Variants in FAT2 observed in about 807,000 individuals in gnomAD.
FAT2 encodes the protein FAT atypical cadherin 2.
Under a neutral mutation model 295.3 loss-of-function variants are expected in FAT2, and 150 were observed. The ratio of observed to expected loss-of-function variants is 0.51; its 90% CI spans 0.44 to 0.58. The LOEUF is 0.58. Among genes scored for constraint, FAT2 ranks in the 20% least tolerant of loss-of-function variants. FAT2 has a pLI of 0.00. For missense variants in FAT2, 4,868 were observed against 5,442.7 expected (o/e 0.89, Z 3.32); for synonymous variants, 2,026 against 2,150.3 (o/e 0.94, Z 1.60).
chr5:151,573,855 T>C (rs1758634128), intron 1 of FAT2, among the ~76,000 whole-genome samples: 1 of 152,160 alleles, frequency 6.6e-6, no homozygotes, highest in Admixed American at 6.5e-5. Context: ...GTAACATTCA[T>C]GTCTTTGTCC....
chr5:151,529,381 C>A lies in FAT2; in HGVS notation c.9823G>T (p.Val3275Phe). Residue 3275 changes from valine (V) to phenylalanine (F), a missense_variant, in exon 15 of 24, where the codon GTC (valine) becomes TTC (phenylalanine). By Grantham distance (50) the Val-to-Phe change is conservative (BLOSUM62 -1). Transcript: ENST00000261800. ...GTCTCAAAGTCCAGGCTTGCGTTGA[C>A]ATACAGGATCCCTGAAGAAGCAAGA... is the stretch of plus-strand genomic sequence containing the variant. ...RLDARTGILY[V>F]NASLDFETSP... The A allele has an allele frequency of 6.2e-7, 1 of 1,613,772 alleles. No individual in the cohort carries two copies. The highest frequency in any genetic ancestry group is 8.5e-7 in the Non-Finnish European group (1 of 1,179,976).
At position 151,544,606 on chromosome 5, in the gene FAT2, G is replaced by C. The variant is rs762665440; in HGVS notation, c.6521C>G (p.Pro2174Arg). Residue 2174 changes from proline (P) to arginine (R), a missense_variant, in exon 10 of 24, where the codon CCT becomes CGT. Pro to Arg is a moderately radical substitution (Grantham distance 103). Around this residue, in one of 5 missense-constraint regions of FAT2, gnomAD observed 3,297 missense variants for 3,669.4 expected, o/e 0.90. Coordinates refer to ENST00000261800, the MANE Select transcript of FAT2 (RefSeq NM_001447.3). The stretch of plus-strand genomic sequence containing the variant: ...TTCAGGTACTCTGACTTTGTAATAA[G>C]GACTCTGAAACAGTGGGTTGGATTT... ...RNKSNPLFQS[P>R]YYKVRVPENI... 3.7e-6 allele frequency: 6 copies of C among 1,614,118 alleles called. No homozygotes were observed. In the East Asian group the frequency reaches 8.9e-5, roughly 24 times the overall value.
At chr5:151,580,860 C>G (rs1450620719) in intron 1 of FAT2, among the ~76,000 whole-genome samples, 3 of 152,230 alleles carry the variant, frequency 2.0e-5, no homozygotes, top group Non-Finnish European at 4.4e-5. Context: ...GGGGTGACCA[C>G]TCTGGGCCCC....
At chr5:151,578,105 CAG>C (rs1034461549) in intron 1 of FAT2, among the ~76,000 whole-genome samples, 1 of 151,658 alleles carries the variant, frequency 6.6e-6, no homozygotes, top group Non-Finnish European at 1.5e-5. Context: ...AAACGCAGAA[CAG>C]GGGAACGGGG....
intron 18 of FAT2, 45 bp from the exon 19 acceptor site, chr5:151,522,131 G>C (rs780844218): frequency 6.9e-6 from 10 of 1,454,356 alleles, no homozygotes; most frequent in South Asian, 4.0e-5. Flanking sequence ...GAACTGCAGT[G>C]CTCTTGCGCC....
In FAT2 at chr5:151,566,913, T is replaced by C. The variant is rs762648658; in HGVS notation, c.2019A>G (p.Thr673=). 3.7e-6 allele frequency: 6 copies of C among 1,614,192 alleles called. No homozygotes were observed. The Admixed American group carries it at 1.0e-4, about 27-fold the overall frequency. Residue 673 remains threonine (T), a synonymous_variant, in exon 2 of 24, where the codon ACA becomes ACG. Transcript: ENST00000261800. The stretch of plus-strand genomic sequence containing the variant: ...TCTTTGTGAATTGTGTCAATACCCC[T>C]GTTTTATCACATGTTACAGGAACTT... The part of the protein sequence containing the change: ...HFEVPVTCDK[T]GVLTQFTKTI...
intron 9 of FAT2, 93 bp downstream of exon 9, chr5:151,549,202 A>G (rs1756954123): frequency 8.5e-7 from 1 of 1,172,970 alleles, no homozygotes; most frequent in Non-Finnish European, 1.2e-6. Flanking sequence ...TGAGCTTGGT[A>G]CTTGATTAAT....
chr5:151,524,391 G>C (rs1753785165), intron 18 of FAT2, among the ~76,000 whole-genome samples: 1 of 152,062 alleles, frequency 6.6e-6, no homozygotes, highest in Non-Finnish European at 1.5e-5. Flanking sequence ...ACAGTATTTG[G>C]AGGTGGAGCC....
rs966627724 is a variant in FAT2 at position 151,509,850 on chromosome 5, G to A, written c.12059+171C>T. The A allele has an allele frequency of 3.5e-5, 24 of 690,092 alleles. No homozygotes were observed. In the South Asian group the frequency reaches 5.4e-4, roughly 16 times the overall value. 42.7% of individuals were successfully genotyped at this position (690,092 alleles called of 1,614,324 possible). A position where few individuals can be genotyped will look rare whatever the true frequency, so the allele number is the denominator to read the frequency against. On this transcript the variant is annotated intron_variant, in intron 22 of 23. Coordinates refer to ENST00000261800, the MANE Select transcript of FAT2 (RefSeq NM_001447.3). ...GGAAAAAGTGTCTTCCATGAAACCG[G>A]TCCCTGGTGCCAAAAAGGTTGGGGA...
chr5:151,549,325 T>A lies in FAT2; in HGVS notation c.4759A>T (p.Asn1587Tyr). 2 of 1,613,524 alleles carry A rather than the reference T, an allele frequency of 1.2e-6. No homozygotes were observed. Residue 1587 changes from asparagine to tyrosine, a missense_variant, in exon 9 of 24, where the codon AAT becomes TAT. Around this residue, in one of 5 missense-constraint regions of FAT2, gnomAD observed 3,297 missense variants for 3,669.4 expected, o/e 0.90. Coordinates refer to ENST00000261800, the MANE Select transcript of FAT2 (RefSeq NM_001447.3). ...AGGAGGGAGTAGTGGACCTCAGCATTGACTCCCCGGTCAGCATCCATGGCT... is the reference window on the plus strand; with the variant it reads ...AGGAGGGAGTAGTGGACCTCAGCATAGACTCCCCGGTCAGCATCCATGGCT... ...VRAMDADRGV[N>Y]AEVHYSLLKG...
At chr5:151,586,151 C>G (rs935637002) in intron 1 of FAT2, among the ~76,000 whole-genome samples, 1 of 152,226 alleles carries the variant, frequency 6.6e-6, no homozygotes, top group Non-Finnish European at 1.5e-5. Context: ...GCTGCAGGGA[C>G]AGGCAGCAGC....
chr5:151,550,683 G>A lies in FAT2; in HGVS notation c.4485C>T (p.Ser1495=), dbSNP rs897580407. 1 of 1,614,046 alleles carries A rather than the reference G, an allele frequency of 6.2e-7. No individual in the cohort carries two copies. Among genetic ancestry groups the A allele is most frequent in the African/African-American group, 1.3e-5 (1 of 74,910 alleles). ...IHGSQDPGSA[S]LFQLDPSSGV... ...CACTGCTTGGGTCCAGCTGGAAGAG[G>A]CTGGCACTTCCTGGGTCTTGGCTGC... Residue 1495 remains serine (S), a synonymous_variant, in exon 8 of 24, where the codon AGC becomes AGT. Coordinates refer to ENST00000261800, the MANE Select transcript of FAT2 (RefSeq NM_001447.3).
At chr5:151,529,620 T>A (rs1293691007) in intron 14 of FAT2, among the ~76,000 whole-genome samples, 1 of 152,242 alleles carries the variant, frequency 6.6e-6, no homozygotes, top group Non-Finnish European at 1.5e-5. Flanking sequence ...TTCCCTCACT[T>A]ACTTCTGTAA....
rs1756407485 is a variant in FAT2 at position 151,544,110 on chromosome 5, A to G, written c.7017T>C (p.Tyr2339=). 3.1e-6 allele frequency: 5 copies of G among 1,614,220 alleles called. No homozygotes were observed. Among genetic ancestry groups the G allele is most frequent in the East Asian group, 2.2e-5 (1 of 44,880 alleles). Residue 2339 remains tyrosine, a synonymous_variant, in exon 10 of 24, where the codon TAT becomes TAC. Transcript: ENST00000261800. The part of the protein sequence containing the change: ...GEMSTVQELD[Y]EAQQHFHVKV... ...TCACATGAAAGTGTTGTTGGGCTTC[A>G]TAATCCAGTTCTTGAACTGTGGACA...
chr5:151,565,647 A>ACGCC, intron 2 of FAT2, 26 bp downstream of exon 2: 442 of 1,460,900 alleles, frequency 3.0e-4, no homozygotes, highest in East Asian at 3.6e-4. Flanking sequence ...TGGCCCTGGC[A>ACGCC]CCCCACCCTA....
intron 1 of FAT2, among the ~76,000 whole-genome samples, chr5:151,579,703 T>A (rs1024723091): frequency 6.6e-6 from 1 of 151,992 alleles, no homozygotes; most frequent in Non-Finnish European, 1.5e-5. Flanking sequence ...TATACAAATT[T>A]TGTCAATTTA....
At position 151,546,157 on chromosome 5, in the gene FAT2, G is replaced by A. The variant is rs140606232; in HGVS notation, c.4970C>T (p.Ala1657Val). ...IIHVYPSDRS[A>V]PIFSKSEYFV... ...GTACTCAGATTTTGAAAAGATGGGG[G>A]CACTCCTATCTGAGGGATAGACATG... The change falls in exon 10 of 24, where the codon GCC becomes GTC. Residue 1657 changes from alanine to valine, a missense_variant. Around this residue, in one of 5 missense-constraint regions of FAT2, gnomAD observed 3,297 missense variants for 3,669.4 expected, o/e 0.90. Transcript: ENST00000261800. 25 of 1,614,104 alleles carry A rather than the reference G, an allele frequency of 1.5e-5. No homozygotes were observed. Among genetic ancestry groups the A allele is most frequent in the Non-Finnish European group, 2.1e-5 (25 of 1,180,014 alleles).
rs1302890928 is a variant in FAT2, at chr5:151,566,584, G to A, written c.2348C>T (p.Thr783Ile). 4 of 1,614,014 alleles carry A rather than the reference G, an allele frequency of 2.5e-6. No individual in the cohort carries two copies. The East Asian group carries it at 8.9e-5, about 36-fold the overall frequency. Residue 783 changes from threonine (T) to isoleucine (I), a missense_variant, in exon 2 of 24, where the codon ACC (threonine) becomes ATC (isoleucine). Thr to Ile is a moderately conservative substitution (Grantham distance 89). Coordinates refer to ENST00000261800, the MANE Select transcript of FAT2 (RefSeq NM_001447.3). ...TGTTACATTGAGGATGTAGAAATTGGTGGCTTCATAGTCCAAGGGAGCAGC... is the reference window on the plus strand; with the variant it reads ...TGTTACATTGAGGATGTAGAAATTGATGGCTTCATAGTCCAAGGGAGCAGC... ...TVAAPLDYEA[T>I]NFYILNVTVY... is the part of the protein sequence containing the mutation.
chr5:151,536,748 A>G (rs367932276), intron 12 of FAT2, among the ~76,000 whole-genome samples: 1 of 152,102 alleles, frequency 6.6e-6, no homozygotes, highest in Non-Finnish European at 1.5e-5. Flanking sequence ...TAACAATTCT[A>G]TGAGGTGTTA....
Sources: allele counts gnomAD v4.1 joint callset (sites outside exome capture counted in the v4.1 genomes callset), GRCh38; gene constraint gnomAD v4.1.1; regional missense constraint gnomAD v4.1.1; transcripts MANE v1.5; gene names NCBI Gene and HGNC (gene_info 2026-07-23, HGNC 2026-07-21).